The following PIGG variants were observed in gnomAD, a reference collection of about 807,000 sequenced individuals.
PIGG encodes the protein phosphatidylinositol glycan anchor biosynthesis class G (EMM blood group).
In PIGG, 70 loss-of-function variants were observed where a neutral mutation model predicts 83.2. The observed-to-expected ratio is 0.84, with a 90% CI of 0.69 to 1.03. The LOEUF (loss-of-function observed/expected upper bound fraction) is 1.03, where lower values mean the gene tolerates loss of function less well. Among genes scored for constraint, PIGG ranks in the 50% least tolerant of loss-of-function variants. The pLI, the probability that PIGG is intolerant of heterozygous loss-of-function variation, is 0.00. For synonymous variants in PIGG, 532 were observed against 519.5 expected (o/e 1.02, Z -0.33); for missense variants, 1,257 against 1,233.6 (o/e 1.02, Z -0.28).
Position 516,097 on chromosome 4 carries a change from AC to A in PIGG, c.1028del (p.Pro343GlnfsTer2), listed in dbSNP as rs1723744760. On this transcript the variant is annotated frameshift_variant, in exon 6 of 13. Transcript: ENST00000453061. LOFTEE classifies it high-confidence loss of function. Reference protein sequence around the residue: ...SLLFPVVEGRPMREQLRFLHL... With the variant: ...SLLFPVVEGRXMREQLRFLHL... ...TCCTATTCCCAGTTGTGGAAGGAAG[AC>A]CAATGAGAGAGCAGTTGAGATTTTT... 1.2e-6 allele frequency: 2 copies of A among 1,613,838 alleles called. No homozygotes were observed. Among genetic ancestry groups the A allele is most frequent in the Admixed American group, 1.7e-5 (1 of 60,016 alleles).
At chr4:503,411 T>C (rs1718455911) in intron 2 of PIGG, among the ~76,000 whole-genome samples, 1 of 152,178 alleles carries the variant, frequency 6.6e-6, no homozygotes, top group Non-Finnish European at 1.5e-5. Flanking sequence ...CTCACTCCCG[T>C]TTACCTCTTC....
chr4:538,747 G>A (rs1731357365), intron 12 of PIGG, among the ~76,000 whole-genome samples: 1 of 152,152 alleles, frequency 6.6e-6, no homozygotes, highest in Non-Finnish European at 1.5e-5. Flanking sequence ...GGCACTTCCA[G>A]CACATACTGT....
At chr4:525,221 G>A (rs1270428218) in intron 9 of PIGG, 3 of 985,240 alleles carry the variant, frequency 3.0e-6, no homozygotes, top group Non-Finnish European at 3.6e-6. Context: ...TTTCATTGGC[G>A]ACTGGAAAAC....
chr4:510,850 C>T (rs1721647870), intron 5 of PIGG, among the ~76,000 whole-genome samples: 1 of 152,020 alleles, frequency 6.6e-6, no homozygotes, highest in African/African-American at 2.4e-5. Context: ...GTCTTCTCTC[C>T]CTCCCCCAAC....
intron 2 of PIGG, among the ~76,000 whole-genome samples, chr4:503,131 A>G (rs1553876749): frequency 6.6e-6 from 1 of 152,202 alleles, no homozygotes; most frequent in East Asian, 1.9e-4. Context: ...TACCCCGCAC[A>G]AGAAACGAGG....
intron 1 of PIGG, chr4:499,737 C>A: frequency 7.4e-7 from 1 of 1,354,138 alleles, no homozygotes; most frequent in Non-Finnish European, 9.5e-7. Context: ...TAAGCTGTGT[C>A]CATACCTGGG....
intron 3 of PIGG, 75 bp from the exon 4 acceptor site, chr4:507,330 T>G (rs533074988): frequency 4.3e-6 from 5 of 1,151,674 alleles, no homozygotes; most frequent in Non-Finnish European, 6.3e-6. Flanking sequence ...TTAAGATGAC[T>G]GTTGCGTTTT....
chr4:511,268 G>T (rs1309941055), intron 5 of PIGG, among the ~76,000 whole-genome samples: 2 of 149,674 alleles, frequency 1.3e-5, no homozygotes, highest in African/African-American at 2.5e-5. Context: ...ACTCCAGCCT[G>T]GGCAACAGGA....
chr4:504,826 C>T (rs1202746130), intron 2 of PIGG, among the ~76,000 whole-genome samples: 1 of 152,130 alleles, frequency 6.6e-6, no homozygotes, highest in Non-Finnish European at 1.5e-5. Flanking sequence ...ATTCTATTAT[C>T]AGAAGGGTAT....
At chr4:507,281 A>T (rs1327011835) in intron 3 of PIGG, 124 bp from the exon 4 acceptor site, 1 of 732,380 alleles carries the variant, frequency 1.4e-6, no homozygotes. Flanking sequence ...TTGTGTTTCA[A>T]CTCCCCCAAA....
chr4:529,104 A>G (rs1728408243), intron 10 of PIGG, among the ~76,000 whole-genome samples: 1 of 152,168 alleles, frequency 6.6e-6, no homozygotes, highest in Non-Finnish European at 1.5e-5. Flanking sequence ...CTGGTTGAGC[A>G]GGATCAGACT....
chr4:512,342 C>T (rs1722296562), intron 5 of PIGG, among the ~76,000 whole-genome samples: 2 of 151,132 alleles, frequency 1.3e-5, no homozygotes, highest in Admixed American at 1.3e-4. Context: ...GCCTCAGCCT[C>T]CCGAGTAGCT....
rs568678012 is a variant in PIGG, at chr4:533,832, C to T, written c.2586C>T (p.Asn862=). 2 of 1,614,174 alleles carry T rather than the reference C, an allele frequency of 1.2e-6. No homozygotes were observed. Among genetic ancestry groups the T allele is most frequent in the East Asian group, 4.5e-5 (2 of 44,876 alleles). Residue 862 remains asparagine, a synonymous_variant, in exon 12 of 13, where the codon AAC becomes AAT. Coordinates refer to ENST00000453061, the MANE Select transcript of PIGG (RefSeq NM_001127178.3). ...AFFYFQGNSN[N]IATVDISAGF... ...CTGTATTCCAGGGCAACTCCAACAA[C>T]ATTGCCACCGTGGACATCTCCGCAG...
Position 508,910 on chromosome 4 carries a change from T to G in PIGG, c.841T>G (p.Ser281Ala). Residue 281 changes from serine to alanine, a missense_variant, in exon 5 of 13, where the codon TCC becomes GCC. Ser to Ala is a moderately conservative substitution (Grantham distance 99). Transcript: ENST00000453061. ...MSETGSHGASSTEEVNTPLIL... is the reference protein window; with the variant it reads ...MSETGSHGASATEEVNTPLIL... ...TGAAACAGGAAGTCACGGGGCCTCC[T>G]CCACCGAGGAGGTGAATACACCTCT... is the stretch of plus-strand genomic sequence containing the variant. The G allele has an allele frequency of 6.2e-7, 1 of 1,613,642 alleles. No individual in the cohort carries two copies. Among genetic ancestry groups the G allele is most frequent in the Non-Finnish European group, 8.5e-7 (1 of 1,179,544 alleles).
Position 500,419 on chromosome 4 carries a change from C to G in PIGG, c.178C>G (p.Leu60Val), listed in dbSNP as rs782623602. 4 of 1,613,630 alleles carry G rather than the reference C, an allele frequency of 2.5e-6. No individual in the cohort carries two copies. The highest frequency in any genetic ancestry group is 3.4e-6 in the Non-Finnish European group (4 of 1,179,674). Residue 60 changes from leucine to valine, a missense_variant, in exon 2 of 13, where the codon CTG becomes GTG. Physicochemically the swap from Leu to Val is conservative, Grantham distance 32. Coordinates refer to ENST00000453061, the MANE Select transcript of PIGG (RefSeq NM_001127178.3). ...AGGAGCCAGTTCTAACTGGACCACGCTGCCACCACCTCTCTTCAGTAAAGT... is the reference window on the plus strand; with the variant it reads ...AGGAGCCAGTTCTAACTGGACCACGGTGCCACCACCTCTCTTCAGTAAAGT... ...SAGASSNWTT[L>V]PPPLFSKVVI... is the part of the protein sequence containing the mutation.
intron 1 of PIGG, 37 bp downstream of exon 1, chr4:499,526 C>A: frequency 1.3e-6 from 2 of 1,561,184 alleles, no homozygotes; most frequent in East Asian, 4.7e-5. Context: ...CTCCCCTGAC[C>A]CCACATCCCC....
At chr4:525,997 A>G (rs1031432440) in intron 9 of PIGG, among the ~76,000 whole-genome samples, 3 of 152,220 alleles carry the variant, frequency 2.0e-5, no homozygotes, top group Non-Finnish European at 2.9e-5. Flanking sequence ...GGAAAATTAA[A>G]GCATTAGGAA....
chr4:522,076 A>G (rs772210554), intron 8 of PIGG, 135 bp downstream of exon 8: 1 of 895,750 alleles, frequency 1.1e-6, no homozygotes, highest in Non-Finnish European at 1.8e-6. Context: ...TGCCCTGGAC[A>G]GGGGGCCTCA....
intron 2 of PIGG, among the ~76,000 whole-genome samples, chr4:505,203 C>A (rs115587092): frequency 6.6e-6 from 1 of 152,064 alleles, no homozygotes; most frequent in Non-Finnish European, 1.5e-5. Context: ...TATCCCTAGC[C>A]GCCTCCTTTA....
Sources: allele counts gnomAD v4.1 joint callset (sites outside exome capture counted in the v4.1 genomes callset), GRCh38; gene constraint gnomAD v4.1.1; transcripts MANE v1.5; gene names NCBI Gene and HGNC (gene_info 2026-07-23, HGNC 2026-07-21).